Variants in TRMO observed in about 807,000 individuals in gnomAD.
The protein encoded by TRMO is tRNA methyltransferase O.
TRMO carries 30 observed loss-of-function variants against 37.2 expected under a neutral mutation model. The ratio of observed to expected loss-of-function variants is 0.81; its 90% CI spans 0.60 to 1.09. The LOEUF (loss-of-function observed/expected upper bound fraction) is 1.09, where lower values mean the gene tolerates loss of function less well. Among genes scored for constraint, TRMO ranks in the 50% least tolerant of loss-of-function variants. The probability of loss-of-function intolerance (pLI) is 0.00; values close to 1 mark genes in which losing one functional copy is unlikely to be tolerated. For missense variants in TRMO, 552 were observed against 549.5 expected, an observed-to-expected ratio of 1.00 and a Z score of -0.05; for synonymous variants, 239 against 199.4, an observed-to-expected ratio of 1.20 and a Z score of -1.67.
At chr9:97,918,335 G>A (rs1826466646) in intron 1 of TRMO, among the ~76,000 whole-genome samples, 1 of 149,748 alleles carries the variant, frequency 6.7e-6, no homozygotes, top group African/African-American at 2.5e-5. Flanking sequence ...AGGTTGCAGT[G>A]AGCCAAGATC....
At chr9:97,906,098 C>G (rs1001046606) in intron 4 of TRMO, among the ~76,000 whole-genome samples, 2 of 149,944 alleles carry the variant, frequency 1.3e-5, no homozygotes, top group African/African-American at 2.5e-5. Flanking sequence ...GTGGAGGTTG[C>G]AGTGAGCCAA....
At chr9:97,915,658 T>C (rs1473187523) in intron 2 of TRMO, 1 of 152,270 alleles carries the variant, frequency 6.6e-6, no homozygotes, top group Non-Finnish European at 1.5e-5. Context: ...GATAATCATA[T>C]GCACAAATAC....
At chr9:97,899,139 A>G in the TRMO span, among the ~76,000 whole-genome samples, 1 of 151,952 alleles carries the variant, frequency 6.6e-6, no homozygotes, top group African/African-American at 2.4e-5. Flanking sequence ...CACCCGGCCT[A>G]TTTTCTCATA....
At chr9:97,910,911 C>A in intron 3 of TRMO, 1 of 565,106 alleles carries the variant, frequency 1.8e-6, no homozygotes, top group South Asian at 1.6e-5. Flanking sequence ...GAAGCCTGTG[C>A]ACAAACCTCT....
At position 97,910,483 on chromosome 9, in the gene TRMO, G is replaced by C; in HGVS notation, c.543C>G (p.Asn181Lys). The change falls in exon 4 of 5, where the codon AAC becomes AAG. Residue 181 changes from asparagine (N) to lysine (K), a missense_variant. Transcript: ENST00000375119. ...EPLADFNLQN[N>K]QHTPNTVSQS... ...GGGACACAGTGTTTGGTGTATGTTGGTTATTCTGTAAATTAAAGTCTGCTA... is the reference window on the plus strand; with the variant it reads ...GGGACACAGTGTTTGGTGTATGTTGCTTATTCTGTAAATTAAAGTCTGCTA... 4 of 1,614,154 alleles carry C rather than the reference G, an allele frequency of 2.5e-6. No individual in the cohort carries two copies. Among genetic ancestry groups the C allele is most frequent in the Non-Finnish European group, 3.4e-6 (4 of 1,180,026 alleles).
intron 4 of TRMO, among the ~76,000 whole-genome samples, chr9:97,908,062 T>G (rs1236904360): frequency 6.6e-6 from 1 of 152,018 alleles, no homozygotes; most frequent in Non-Finnish European, 1.5e-5. Context: ...GAGGATCCCC[T>G]GACCCCCAAG....
chr9:97,915,802 A>G (rs1410341837), intron 2 of TRMO: 2 of 157,762 alleles, frequency 1.3e-5, no homozygotes, highest in Non-Finnish European at 2.8e-5. Context: ...CTTAAAAAAT[A>G]AAAAAAAATA....
chr9:97,916,110 A>T, intron 2 of TRMO, 54 bp downstream of exon 2: 1 of 1,400,650 alleles, frequency 7.1e-7, no homozygotes, highest in Non-Finnish European at 9.8e-7. Flanking sequence ...AGAGTACTTT[A>T]TTCGGGGGCA....
chr9:97,920,996 C>A (rs1163102462), intron 1 of TRMO, among the ~76,000 whole-genome samples: 1 of 152,240 alleles, frequency 6.6e-6, no homozygotes, highest in Non-Finnish European at 1.5e-5. Context: ...GCTCCCCAAA[C>A]CTATACTGTG....
intron 1 of TRMO, among the ~76,000 whole-genome samples, chr9:97,919,041 A>G (rs900753168): frequency 3.3e-5 from 5 of 152,196 alleles, no homozygotes; most frequent in Non-Finnish European, 7.3e-5. Context: ...TGAGGCTAAG[A>G]TCCATACATA....
intron 1 of TRMO, among the ~76,000 whole-genome samples, chr9:97,922,009 T>G (rs1304721880): frequency 6.6e-6 from 1 of 152,124 alleles, no homozygotes; most frequent in Non-Finnish European, 1.5e-5. Context: ...TAAAACTATT[T>G]TCTCCCCCAG....
At chr9:97,913,018 A>G (rs1367136168) in intron 3 of TRMO, 2 of 881,724 alleles carry the variant, frequency 2.3e-6, no homozygotes, top group African/African-American at 1.7e-5. Flanking sequence ...TGTGTTTTCC[A>G]TATGTGCATG....
intron 1 of TRMO, among the ~76,000 whole-genome samples, chr9:97,921,059 C>T (rs1481325179): frequency 6.6e-6 from 1 of 152,194 alleles, no homozygotes; most frequent in African/African-American, 2.4e-5. Flanking sequence ...AATATGAGAC[C>T]TGTAATCGGC....
chr9:97,913,001 C>T (rs1391189780), intron 3 of TRMO: 1 of 1,067,864 alleles, frequency 9.4e-7, no homozygotes, highest in Non-Finnish European at 1.3e-6. Flanking sequence ...GATATACCAC[C>T]AGTCTATGTG....
At chr9:97,908,188 G>T (rs1418296862) in intron 4 of TRMO, among the ~76,000 whole-genome samples, 2 of 152,070 alleles carry the variant, frequency 1.3e-5, no homozygotes, top group African/African-American at 2.4e-5. Flanking sequence ...CAAGGCGGGG[G>T]AATCACAAGG....
chr9:97,913,174 G>T, intron 3 of TRMO: 1 of 504,234 alleles, frequency 2.0e-6, no homozygotes, highest in Non-Finnish European at 3.6e-6. Flanking sequence ...TAATAGTTTT[G>T]GATATATGCA....
chr9:97,908,621 G>T (rs1027045468), intron 4 of TRMO, among the ~76,000 whole-genome samples: 1 of 152,000 alleles, frequency 6.6e-6, no homozygotes, highest in African/African-American at 2.4e-5. Context: ...AACACTCCAA[G>T]CCTGCTGTAT....
At chr9:97,913,094 G>T in intron 3 of TRMO, 1 of 491,316 alleles carries the variant, frequency 2.0e-6, no homozygotes, top group Non-Finnish European at 3.8e-6. Flanking sequence ...TGTATTTACT[G>T]CATTCCAAGT....
At chr9:97,897,183 G>A in the TRMO span, among the ~76,000 whole-genome samples, 1 of 152,108 alleles carries the variant, frequency 6.6e-6, no homozygotes, top group Non-Finnish European at 1.5e-5. Context: ...AATAAAAACA[G>A]TCTCTGACTT....
Sources: gnomAD v4.1 joint callset for allele counts (sites outside exome capture counted in the v4.1 genomes callset) on GRCh38, gnomAD v4.1.1 for gene constraint, MANE v1.5 for transcripts, NCBI Gene and HGNC (gene_info 2026-07-23, HGNC 2026-07-21) for gene names.